The following JMY variants were observed in gnomAD, a reference collection of about 807,000 sequenced individuals.
JMY encodes the protein junction mediating and regulatory protein, p53 cofactor, also known as junction-mediating and -regulatory protein.
In JMY, 46 loss-of-function variants were observed where a neutral mutation model predicts 103.3. That is an observed-to-expected ratio of 0.45 (90% CI 0.35 to 0.57). The LOEUF (loss-of-function observed/expected upper bound fraction) is 0.57. Ranked by LOEUF, JMY falls within the 20% of genes least tolerant of loss-of-function variation. JMY has a pLI of 0.00. For synonymous variants in JMY, 526 were observed against 489.3 expected, an observed-to-expected ratio of 1.07 and a Z score of -0.99; for missense variants, 1,238 against 1,255.2, an observed-to-expected ratio of 0.99 and a Z score of 0.21.
chr5:79,295,922 T>C (rs186214166), intron 4 of JMY, among the ~76,000 whole-genome samples: 9 of 152,380 alleles, frequency 5.9e-5, no homozygotes, highest in Admixed American at 5.9e-4. Flanking sequence ...TTTCACCATA[T>C]GAATTCTGTT....
At chr5:79,312,375 A>G (rs1747073085) in intron 7 of JMY, 28 bp from the exon 8 acceptor site, 2 of 1,334,188 alleles carry the variant, frequency 1.5e-6, no homozygotes, top group Non-Finnish European at 2.1e-6. Flanking sequence ...GACACAGCAT[A>G]ATGGAATTAT....
At chr5:79,300,420 G>T (rs913821856) in intron 5 of JMY, 102 bp downstream of exon 5, 1 of 1,201,908 alleles carries the variant, frequency 8.3e-7, no homozygotes. Context: ...TTAAAAAATT[G>T]TTTTCTGTAG....
intron 4 of JMY, among the ~76,000 whole-genome samples, chr5:79,295,322 A>C (rs917526658): frequency 6.6e-6 from 1 of 152,242 alleles, no homozygotes; most frequent in Non-Finnish European, 1.5e-5. Flanking sequence ...TGGCTACCTT[A>C]CTGAACAGAG....
chr5:79,252,929 T>C (rs1293561361), intron 1 of JMY, among the ~76,000 whole-genome samples: 1 of 152,232 alleles, frequency 6.6e-6, no homozygotes, highest in Non-Finnish European at 1.5e-5. Flanking sequence ...TTCAGTGTTA[T>C]TGATAAGTAC....
intron 1 of JMY, among the ~76,000 whole-genome samples, chr5:79,264,666 G>A (rs1166699459): frequency 1.3e-5 from 2 of 152,174 alleles, no homozygotes; most frequent in Non-Finnish European, 2.9e-5. Context: ...TAAGACCCTG[G>A]CCAATGCTGG....
chr5:79,269,111 A>G (rs1027829105), intron 1 of JMY, among the ~76,000 whole-genome samples: 1 of 152,118 alleles, frequency 6.6e-6, no homozygotes, highest in African/African-American at 2.4e-5. Flanking sequence ...ATCTTCTAGA[A>G]GTTTTATAGT....
chr5:79,274,157 ATTTATC>A (rs1434497019), intron 1 of JMY, among the ~76,000 whole-genome samples: 1 of 151,870 alleles, frequency 6.6e-6, no homozygotes, highest in Non-Finnish European at 1.5e-5. Context: ...AGATTGGATA[ATTTATC>A]TTTATCTTCA....
intron 4 of JMY, among the ~76,000 whole-genome samples, chr5:79,293,085 A>G (rs1035227041): frequency 8.5e-5 from 13 of 152,210 alleles, no homozygotes; most frequent in Admixed American, 7.2e-4. Context: ...AGGTTTTGCA[A>G]AACAGTACTA....
At chr5:79,289,007 G>A (rs2112096543) in intron 2 of JMY, among the ~76,000 whole-genome samples, 1 of 152,060 alleles carries the variant, frequency 6.6e-6, no homozygotes, top group Non-Finnish European at 1.5e-5. Context: ...GGCTGTGGCG[G>A]TCGGATCATT....
At chr5:79,318,470 C>A (rs983853928) in intron 10 of JMY, among the ~76,000 whole-genome samples, 1 of 152,096 alleles carries the variant, frequency 6.6e-6, no homozygotes, top group Non-Finnish European at 1.5e-5. Context: ...TTACTGAAAG[C>A]AGTTTCACCT....
intron 1 of JMY, among the ~76,000 whole-genome samples, chr5:79,246,391 C>G (rs1282619436): frequency 2.0e-5 from 3 of 152,124 alleles, no homozygotes; most frequent in Admixed American, 2.0e-4. Flanking sequence ...TACTGTAGGC[C>G]AAGCACTTTA....
At chr5:79,284,333 A>G (rs4704551) in intron 2 of JMY, 787,062 of 1,360,572 alleles carry the variant, frequency 0.58, 232,062 homozygotes, top group Non-Finnish European at 0.61. Flanking sequence ...AGCCTTTTCT[A>G]TGTCTTTTCC....
At position 79,237,224 on chromosome 5, in the gene JMY, G is replaced by C. The variant is rs1289018783; in HGVS notation, c.574G>C (p.Glu192Gln). The change falls in exon 1 of 11, where the codon GAG (glutamate) becomes CAG (glutamine). Residue 192 changes from glutamate (E) to glutamine (Q), a missense_variant. Transcript: ENST00000396137. Reference sequence around the variant, plus strand: ...GAGCGCCTCTGGGACGGTCTCCGAGGAGATAGAGGTGCTGGAAATGGTGAA... The same window carrying C: ...GAGCGCCTCTGGGACGGTCTCCGAGCAGATAGAGGTGCTGGAAATGGTGAA... ...IVSASGTVSE[E>Q]IEVLEMVKED... 6.4e-7 allele frequency: 1 copy of C among 1,550,642 alleles called. No homozygotes were observed. Among genetic ancestry groups the C allele is most frequent in the African/African-American group, 1.4e-5 (1 of 73,178 alleles).
Position 79,237,364 on chromosome 5 carries a change from G to C in JMY, c.714G>C (p.Leu238=). 6.2e-7 allele frequency: 1 copy of C among 1,612,698 alleles called. No homozygotes were observed. Among genetic ancestry groups the C allele is most frequent in the South Asian group, 1.1e-5 (1 of 91,004 alleles). ...SWAGLFSFQD[L]RAVHQQLCSV... ...CCGGACTGTTTTCTTTCCAGGACCT[G>C]CGCGCCGTGCACCAGCAGCTGTGCT... The change falls in exon 1 of 11, where the codon CTG becomes CTC. Residue 238 remains leucine, a synonymous_variant. Coordinates refer to ENST00000396137, the MANE Select transcript of JMY (RefSeq NM_152405.5).
chr5:79,270,804 ATTCC>A (rs1745761845), intron 1 of JMY, among the ~76,000 whole-genome samples: 1 of 150,808 alleles, frequency 6.6e-6, no homozygotes. Flanking sequence ...GAGGTTTTCC[ATTCC>A]TAGTTTGCTG....
At chr5:79,270,304 ATATT>A (rs1745708461) in intron 1 of JMY, among the ~76,000 whole-genome samples, 1 of 144,314 alleles carries the variant, frequency 6.9e-6, no homozygotes. Context: ...ATTTACATAA[ATATT>A]TAAAATATAT....
intron 7 of JMY, among the ~76,000 whole-genome samples, chr5:79,309,039 A>AT (rs1373367886): frequency 5.3e-5 from 8 of 152,136 alleles, no homozygotes; most frequent in Non-Finnish European, 1.2e-4. Context: ...ACTTTTGTTA[A>AT]TTAAGCTTTT....
chr5:79,259,645 G>A (rs1279320246), intron 1 of JMY, among the ~76,000 whole-genome samples: 3 of 152,258 alleles, frequency 2.0e-5, no homozygotes, highest in Non-Finnish European at 2.9e-5. Flanking sequence ...AAAGTCCGCA[G>A]CAGGCTGAAG....
chr5:79,323,444 C>T lies in JMY; in HGVS notation c.*1842C>T, dbSNP rs938965592. The T allele has an allele frequency of 6.6e-6, 1 of 151,996 alleles. No homozygotes were observed. The highest frequency in any genetic ancestry group is 1.5e-5 in the Non-Finnish European group (1 of 68,006). 9.4% of individuals were successfully genotyped at this position (151,996 alleles called of 1,614,324 possible). ...GGGGTGGTGATAGTGTCCTATTTGC[C>T]CTTGGTAAAATATTAAAGCGTATTT... On this transcript the variant is annotated 3_prime_UTR_variant, in exon 11 of 11. Coordinates refer to ENST00000396137, the MANE Select transcript of JMY (RefSeq NM_152405.5).
Sources: gnomAD v4.1 joint callset for allele counts (sites outside exome capture counted in the v4.1 genomes callset) on GRCh38, gnomAD v4.1.1 for gene constraint, MANE v1.5 for transcripts, NCBI Gene and HGNC (gene_info 2026-07-23, HGNC 2026-07-21) for gene names.